The following PCDH15 variants were observed in gnomAD, a reference collection of about 807,000 sequenced individuals.
PCDH15 encodes protocadherin-15.
A neutral mutation model predicts 178.5 loss-of-function variants in PCDH15; 129 were observed. The observed-to-expected ratio is 0.72, with a 90% CI of 0.63 to 0.84. The LOEUF (loss-of-function observed/expected upper bound fraction) is 0.84. PCDH15 is among the 40% of genes least tolerant of loss of function. The probability of loss-of-function intolerance (pLI) is 0.00; values close to 1 mark genes in which losing one functional copy is unlikely to be tolerated. For missense variants in PCDH15, 2,230 were observed against 2,099.9 expected (o/e 1.06, Z -1.21); for synonymous variants, 800 against 732.0 (o/e 1.09, Z -1.50).
At chr10:54,751,435 G>A (rs1946210562) in intron 1 of PCDH15, among the ~76,000 whole-genome samples, 1 of 152,114 alleles carries the variant, frequency 6.6e-6, no homozygotes, top group South Asian at 2.1e-4. Context: ...GATGGCACCT[G>A]CTAAATACAT....
chr10:54,887,468 T>G (rs67339563), intron 3 of PCDH15, among the ~76,000 whole-genome samples: 34,239 of 152,080 alleles, frequency 0.23, 4,547 homozygotes, highest in Non-Finnish European at 0.31. Flanking sequence ...TGATTCATGT[T>G]CAAATTCATT....
At chr10:54,587,925 G>A (rs1283989159) in intron 2 of PCDH15, among the ~76,000 whole-genome samples, 1 of 152,138 alleles carries the variant, frequency 6.6e-6, no homozygotes, top group Non-Finnish European at 1.5e-5. Context: ...ATTCCAGGAT[G>A]TTAAATGAAT....
intron 1 of PCDH15, among the ~76,000 whole-genome samples, chr10:55,199,701 C>T (rs146360466): frequency 1.7e-4 from 26 of 152,194 alleles, no homozygotes; most frequent in Non-Finnish European, 3.4e-4. Context: ...AAAATGGTTT[C>T]ATGGTCCAGG....
intron 13 of PCDH15, among the ~76,000 whole-genome samples, chr10:54,180,406 G>C (rs1170333121): frequency 1.3e-5 from 2 of 152,138 alleles, no homozygotes; most frequent in Non-Finnish European, 1.5e-5. Flanking sequence ...ACTCACATCA[G>C]GCTAAAAGAG....
At chr10:54,805,361 G>A (rs1453541429), upstream of PCDH15, among the ~76,000 whole-genome samples, 2 of 151,974 alleles carry the variant, frequency 1.3e-5, no homozygotes, top group Admixed American at 1.3e-4. Context: ...AAATTGCCTG[G>A]GATCGAGTCA....
intron 2 of PCDH15, among the ~76,000 whole-genome samples, chr10:55,413,682 A>G (rs1323839644): frequency 6.6e-6 from 1 of 151,740 alleles, no homozygotes; most frequent in Non-Finnish European, 1.5e-5. Flanking sequence ...TTGGATATTA[A>G]ATGATATACA....
rs376574837 is a variant in PCDH15 at position 54,311,129 on chromosome 10, T to C, written c.876+6142A>G. Among the ~76,000 whole-genome samples the C allele has an allele frequency of 9.9e-5, 15 of 152,196 alleles. No homozygotes were observed. The East Asian group carries it at 2.3e-3, about 24-fold the overall frequency. On this transcript the variant is annotated intron_variant, in intron 8 of 37. Coordinates refer to ENST00000644397, the MANE Select transcript of PCDH15 (RefSeq NM_001384140.1). ...AGATTGAAGTTGAGATGTTTGTCAC[T>C]AGAAATTATTGGGATCCAATCCAAT...
At chr10:54,289,997 C>T (rs2059289526) in intron 8 of PCDH15, among the ~76,000 whole-genome samples, 1 of 152,118 alleles carries the variant, frequency 6.6e-6, no homozygotes, top group South Asian at 2.1e-4. Context: ...AGGAGAACCT[C>T]CCCAAACTAG....
intron 1 of PCDH15, among the ~76,000 whole-genome samples, chr10:55,258,175 T>A (rs1842051562): frequency 1.3e-5 from 2 of 152,284 alleles, no homozygotes; most frequent in Admixed American, 6.5e-5. Context: ...CTTTTAGAAA[T>A]AATAGGGACA....
chr10:54,281,071 C>A lies in PCDH15; in HGVS notation c.876+36200G>T, dbSNP rs541467959. ...TTCATAAATTATTGAAAGTTTCATG[C>A]AAATTTTTTACTTTGCCAATATGCC... On this transcript the variant is annotated intron_variant, in intron 8 of 37. Transcript: ENST00000644397. Among the ~76,000 whole-genome samples the A allele has an allele frequency of 5.5e-4, 84 of 151,736 alleles. 3 individuals carry two copies. The Middle Eastern group carries it at 0.014, about 25-fold the overall frequency.
intron 2 of PCDH15, among the ~76,000 whole-genome samples, chr10:55,015,002 C>G (rs1840136775): frequency 6.6e-6 from 1 of 152,062 alleles, no homozygotes; most frequent in Non-Finnish European, 1.5e-5. Context: ...GGGCAGATCA[C>G]TTGAGGTCAG....
intron 2 of PCDH15, among the ~76,000 whole-genome samples, chr10:55,333,261 G>A (rs12773119): frequency 0.22 from 33,273 of 151,904 alleles, 4,288 homozygotes; most frequent in African/African-American, 0.35. Context: ...CAAATGAACA[G>A]GAACTCTGAA....
At chr10:54,384,157 G>A (rs1249380828) in intron 3 of PCDH15, among the ~76,000 whole-genome samples, 2 of 151,950 alleles carry the variant, frequency 1.3e-5, no homozygotes, top group African/African-American at 4.8e-5. Flanking sequence ...TAAAATGTAT[G>A]TGAAAGATTG....
At position 55,377,362 on chromosome 10, in the gene PCDH15, G is replaced by T. The variant is rs144680286; in HGVS notation, c.-155-210711C>A. Among the ~76,000 whole-genome samples, 569 of 151,924 alleles carry T rather than the reference G, an allele frequency of 3.7e-3. 4 individuals are homozygous for T. Among genetic ancestry groups the T allele is most frequent in the African/African-American group, 0.011 (473 of 41,510 alleles). On this transcript the variant is annotated intron_variant, in intron 2 of 5. Coordinates refer to the PCDH15 transcript ENST00000613346. ...GAGTAAAAGAGAACTATCTTATAAA[G>T]TCTATCTTATTAAAATAAATTATTC...
intron 2 of PCDH15, among the ~76,000 whole-genome samples, chr10:55,080,088 C>G (rs1841999382): frequency 6.6e-6 from 1 of 152,048 alleles, no homozygotes; most frequent in African/African-American, 2.4e-5. Flanking sequence ...AGGCATCTCT[C>G]AGGTTCTAGG....
intron 18 of PCDH15, among the ~76,000 whole-genome samples, chr10:54,032,070 TCTTA>T (rs552227863): frequency 2.2e-3 from 327 of 152,040 alleles, no homozygotes; most frequent in Non-Finnish European, 2.5e-3. Flanking sequence ...TCCAACCTCT[TCTTA>T]CTTCTATTTC....
At chr10:54,706,256 T>C in intron 1 of PCDH15, among the ~76,000 whole-genome samples, 1 of 152,210 alleles carries the variant, frequency 6.6e-6, no homozygotes, top group African/African-American at 2.4e-5. Context: ...GAAAACAAAC[T>C]GATCTTTCTA....
At chr10:55,033,914 T>C (rs950709267) in intron 2 of PCDH15, among the ~76,000 whole-genome samples, 1 of 152,132 alleles carries the variant, frequency 6.6e-6, no homozygotes, top group Non-Finnish European at 1.5e-5. Context: ...TGGGATTAGA[T>C]GTCTTTATTA....
intron 2 of PCDH15, among the ~76,000 whole-genome samples, chr10:55,502,275 TTTAG>T (rs1186996990): frequency 6.6e-6 from 1 of 151,642 alleles, no homozygotes; most frequent in Non-Finnish European, 1.5e-5. Context: ...CAATGCTTCC[TTTAG>T]TTACAGTGTC....
Sources: gnomAD v4.1 joint callset for allele counts (sites outside exome capture counted in the v4.1 genomes callset) on GRCh38, gnomAD v4.1.1 for gene constraint, MANE v1.5 for transcripts, NCBI Gene and HGNC (gene_info 2026-07-23, HGNC 2026-07-21) for gene names.